RCAN2: variants seen among roughly 807,000 people sequenced by gnomAD.
RCAN2 encodes the protein regulator of calcineurin 2, also known as calcipressin-2.
RCAN2 carries 9 observed loss-of-function variants against 23.6 expected under a neutral mutation model. That is an observed-to-expected ratio of 0.38 (90% CI 0.23 to 0.67). The LOEUF is 0.67. RCAN2 is among the 30% of genes least tolerant of loss of function. The pLI, the probability that RCAN2 is intolerant of heterozygous loss-of-function variation, is 0.51. For missense variants in RCAN2, 273 were observed against 302.3 expected, an observed-to-expected ratio of 0.90 and a Z score of 0.72; for synonymous variants, 109 against 115.7, an observed-to-expected ratio of 0.94 and a Z score of 0.37.
chr6:46,353,113 T>G (rs945223282), intron 2 of RCAN2, among the ~76,000 whole-genome samples: 1 of 152,112 alleles, frequency 6.6e-6, no homozygotes, highest in Non-Finnish European at 1.5e-5. Context: ...GTGTCACATG[T>G]GTAGAAAATG....
chr6:46,375,574 ACTAACTGCATCAG>A (rs1322263779), intron 2 of RCAN2, among the ~76,000 whole-genome samples: 1 of 152,206 alleles, frequency 6.6e-6, no homozygotes. Flanking sequence ...TGCCCCACAT[ACTAACTGCATCAG>A]CCAATTTGTC....
chr6:46,296,066 C>CTCGT (rs367670618), intron 2 of RCAN2, among the ~76,000 whole-genome samples: 1 of 138,452 alleles, frequency 7.2e-6, no homozygotes, highest in African/African-American at 2.7e-5. Context: ...CCAATAGCTT[C>CTCGT]GTGTGTGTGT....
At chr6:46,306,738 C>G (rs938519654) in intron 2 of RCAN2, among the ~76,000 whole-genome samples, 2 of 150,090 alleles carry the variant, frequency 1.3e-5, no homozygotes, top group South Asian at 2.1e-4. Context: ...TTTCTGGAAG[C>G]CTTCTTAAGT....
chr6:46,453,904 A>G (rs1218884029), intron 2 of RCAN2, among the ~76,000 whole-genome samples: 1 of 152,232 alleles, frequency 6.6e-6, no homozygotes, highest in Non-Finnish European at 1.5e-5. Flanking sequence ...CAAATTACAT[A>G]TGAAACCACC....
chr6:46,463,938 A>G (rs1447039397), intron 1 of RCAN2, among the ~76,000 whole-genome samples: 3 of 152,220 alleles, frequency 2.0e-5, no homozygotes, highest in Non-Finnish European at 2.9e-5. Flanking sequence ...AATAAGGGCA[A>G]CAAATAAAAA....
chr6:46,428,832 C>T (rs1377841165), intron 2 of RCAN2, among the ~76,000 whole-genome samples: 1 of 152,196 alleles, frequency 6.6e-6, no homozygotes, highest in Non-Finnish European at 1.5e-5. Flanking sequence ...CCTCCATCTG[C>T]TTTCTTCTCA....
intron 2 of RCAN2, among the ~76,000 whole-genome samples, chr6:46,383,732 A>T (rs1247056277): frequency 6.6e-6 from 1 of 152,234 alleles, no homozygotes; most frequent in East Asian, 1.9e-4. Context: ...CTACTGGCCA[A>T]TCTTACCGGA....
chr6:46,299,362 T>C (rs1195476547), intron 2 of RCAN2, among the ~76,000 whole-genome samples: 1 of 152,014 alleles, frequency 6.6e-6, no homozygotes, highest in Non-Finnish European at 1.5e-5. Flanking sequence ...TTTTAGGACT[T>C]ATAGTTCATG....
intron 2 of RCAN2, among the ~76,000 whole-genome samples, chr6:46,414,208 A>G (rs2150409200): frequency 6.6e-6 from 1 of 152,304 alleles, no homozygotes; most frequent in South Asian, 2.1e-4. Context: ...TTTTGCATAG[A>G]CTCTTATGCA....
In RCAN2 at chr6:46,262,588, T is replaced by TTAAA. The variant is rs10526400; in HGVS notation, c.226-13696_226-13693dup. On this transcript the variant is annotated intron_variant, in intron 2 of 4. Coordinates refer to ENST00000371374, the MANE Select transcript of RCAN2 (RefSeq NM_001251974.2). The stretch of plus-strand genomic sequence containing the variant: ...CTTGGCAATATAGTGAGCCTCTGTC[T>TTAAA]TAAATAAATAAATAAATAAATAAAT... Among the ~76,000 whole-genome samples, 562 of 146,582 alleles carry TTAAA rather than the reference T, an allele frequency of 3.8e-3. 3 individuals are homozygous for TTAAA. Among genetic ancestry groups the TTAAA allele is most frequent in the South Asian group, 0.03 (135 of 4,556 alleles).
chr6:46,333,933 G>A (rs906076109), intron 2 of RCAN2, among the ~76,000 whole-genome samples: 18 of 152,184 alleles, frequency 1.2e-4, no homozygotes, highest in Non-Finnish European at 2.2e-4. Flanking sequence ...AGGTGTTAAG[G>A]TTTGTTCCTA....
At chr6:46,428,865 A>T (rs1767108194) in intron 2 of RCAN2, among the ~76,000 whole-genome samples, 2 of 152,234 alleles carry the variant, frequency 1.3e-5, no homozygotes, top group African/African-American at 4.8e-5. Context: ...ATCTCTTGAC[A>T]GGTGATATCT....
intron 2 of RCAN2, among the ~76,000 whole-genome samples, chr6:46,396,936 C>A (rs1766107970): frequency 6.6e-6 from 1 of 151,976 alleles, no homozygotes; most frequent in African/African-American, 2.4e-5. Flanking sequence ...TATGGTGAAA[C>A]CCTGTCTCTA....
Position 46,354,479 on chromosome 6 carries a change from G to A in RCAN2, c.225+102273C>T, listed in dbSNP as rs193051811. Reference sequence around the variant, plus strand: ...GGAGTTATGAGAGATGTTACCACTGGAGAAAGCTGAATGGAGGGTACAAGG... The same window carrying A: ...GGAGTTATGAGAGATGTTACCACTGAAGAAAGCTGAATGGAGGGTACAAGG... On this transcript the variant is annotated intron_variant, in intron 2 of 4. Coordinates refer to ENST00000371374, the MANE Select transcript of RCAN2 (RefSeq NM_001251974.2). 1.9e-4 allele frequency among the ~76,000 whole-genome samples: 29 copies of A among 152,274 alleles called. No homozygotes were observed. The East Asian group carries it at 4.8e-3, about 25-fold the overall frequency.
At chr6:46,266,093 C>T (rs1440214713) in intron 2 of RCAN2, among the ~76,000 whole-genome samples, 1 of 152,132 alleles carries the variant, frequency 6.6e-6, no homozygotes, top group African/African-American at 2.4e-5. Context: ...TCTAGACCTA[C>T]TAATTTAGAA....
chr6:46,346,985 C>T (rs929371546), intron 2 of RCAN2, among the ~76,000 whole-genome samples: 2 of 152,102 alleles, frequency 1.3e-5, no homozygotes, highest in African/African-American at 4.8e-5. Context: ...ATGCCATTCT[C>T]CTGCCTCAGC....
intron 2 of RCAN2, among the ~76,000 whole-genome samples, chr6:46,357,487 G>GT (rs1171783405): frequency 6.6e-6 from 1 of 152,192 alleles, no homozygotes; most frequent in African/African-American, 2.4e-5. Flanking sequence ...CTACTGGTCA[G>GT]TTGTTTTCCT....
intron 1 of RCAN2, among the ~76,000 whole-genome samples, chr6:46,489,550 A>T (rs997250176): frequency 2.0e-5 from 3 of 152,050 alleles, no homozygotes; most frequent in Admixed American, 6.5e-5. Flanking sequence ...TCTGCAAATG[A>T]TTACACAAGT....
intron 2 of RCAN2, among the ~76,000 whole-genome samples, chr6:46,368,904 A>T (rs989833759): frequency 6.6e-6 from 1 of 152,138 alleles, no homozygotes; most frequent in African/African-American, 2.4e-5. Context: ...TAACAAATTA[A>T]CCTTCACTTA....
Sources: gnomAD v4.1 joint callset for allele counts (sites outside exome capture counted in the v4.1 genomes callset) on GRCh38, gnomAD v4.1.1 for gene constraint, MANE v1.5 for transcripts, NCBI Gene and HGNC (gene_info 2026-07-23, HGNC 2026-07-21) for gene names.